Variants in USP53 observed in about 807,000 individuals in gnomAD.
USP53 encodes the protein ubiquitin specific peptidase 53.
USP53 carries 71 observed loss-of-function variants against 94.9 expected under a neutral mutation model. The ratio of observed to expected loss-of-function variants is 0.75; its 90% CI spans 0.62 to 0.91. The LOEUF (loss-of-function observed/expected upper bound fraction) is 0.91. Ranked by LOEUF, USP53 falls within the 40% of genes least tolerant of loss-of-function variation. The pLI, the probability that USP53 is intolerant of heterozygous loss-of-function variation, is 0.00. For synonymous variants in USP53, 375 were observed against 422.7 expected, an observed-to-expected ratio of 0.89 and a Z score of 1.39; for missense variants, 1,173 against 1,281.0, an observed-to-expected ratio of 0.92 and a Z score of 1.29.
chr4:119,263,167 T>C (rs1750710168), intron 12 of USP53, among the ~76,000 whole-genome samples: 1 of 152,164 alleles, frequency 6.6e-6, no homozygotes, highest in South Asian at 2.1e-4. Flanking sequence ...ATTCTACCCA[T>C]GAAGGATTAA....
rs1268226822 is a variant in USP53, at chr4:119,292,643, T to G, written c.2654T>G (p.Ile885Ser). 1 of 1,614,048 alleles carries G rather than the reference T, an allele frequency of 6.2e-7. No individual in the cohort carries two copies. The highest frequency in any genetic ancestry group is 8.5e-7 in the Non-Finnish European group (1 of 1,179,968). The change falls in exon 19 of 19, where the codon ATC (isoleucine) becomes AGC (serine). Residue 885 changes from isoleucine (I) to serine (S), a missense_variant. Coordinates refer to ENST00000692078, the MANE Select transcript of USP53 (RefSeq NM_001371395.1). ...ETAPLIQQQN[I>S]MDQCYFENSL... ...GCTCCTCTCATCCAGCAACAAAATA[T>G]CATGGATCAATGTTACTTTGAGAAC...
chr4:119,264,988 C>A (rs1218880806), intron 12 of USP53, among the ~76,000 whole-genome samples: 1 of 152,058 alleles, frequency 6.6e-6, no homozygotes, highest in East Asian at 1.9e-4. Context: ...ATTGAACTGA[C>A]ACATGCAATA....
intron 7 of USP53, 21 bp from the exon 8 acceptor site, chr4:119,256,225 T>C: frequency 6.4e-7 from 1 of 1,569,690 alleles, no homozygotes; most frequent in Non-Finnish European, 8.7e-7. Context: ...AACTCATTTA[T>C]CTATTTTATT....
At chr4:119,227,428 C>T (rs968068233) in intron 3 of USP53, among the ~76,000 whole-genome samples, 3 of 151,992 alleles carry the variant, frequency 2.0e-5, no homozygotes, top group Middle Eastern at 3.2e-3. Flanking sequence ...CACGAGATTG[C>T]GACCATCCTG....
At chr4:119,230,254 A>G (rs62328368) in intron 3 of USP53, among the ~76,000 whole-genome samples, 111 of 152,312 alleles carry the variant, frequency 7.3e-4, no homozygotes, top group Non-Finnish European at 1.4e-3. Context: ...CATATAAAAC[A>G]TATATGTTTT....
chr4:119,232,607 T>G (rs1746210004), intron 3 of USP53, among the ~76,000 whole-genome samples: 1 of 152,208 alleles, frequency 6.6e-6, no homozygotes, highest in Non-Finnish European at 1.5e-5. Context: ...TTAGCTATTT[T>G]CTTCACAGCC....
Position 119,294,571 on chromosome 4 carries a change from A to G in USP53, c.*1360A>G, listed in dbSNP as rs904804598. On this transcript the variant is annotated 3_prime_UTR_variant, in exon 19 of 19. Coordinates refer to ENST00000692078, the MANE Select transcript of USP53 (RefSeq NM_001371395.1). ...CTCCTGATAACTGAGAAACAGAACT[A>G]AAGTTTTCCTTACATTGCTAAATGG... 2.0e-5 allele frequency: 3 copies of G among 152,122 alleles called. No homozygotes were observed. The highest frequency in any genetic ancestry group is 4.4e-5 in the Non-Finnish European group (3 of 67,954). 9.4% of individuals were successfully genotyped at this position (152,122 alleles called of 1,614,324 possible).
intron 1 of USP53, chr4:119,213,178 C>G (rs910908552): frequency 1.3e-5 from 2 of 152,816 alleles, no homozygotes; most frequent in Admixed American, 1.3e-4. Context: ...TTATTGCTGC[C>G]GTGTTTGAGG....
chr4:119,248,109 T>C (rs1024224830), intron 6 of USP53, among the ~76,000 whole-genome samples: 1 of 152,204 alleles, frequency 6.6e-6, no homozygotes, highest in African/African-American at 2.4e-5. Context: ...AATTGGAATT[T>C]ATTAAAATGT....
intron 10 of USP53, 103 bp from the exon 11 acceptor site, chr4:119,260,404 A>T (rs1750350076): frequency 1.1e-6 from 1 of 939,344 alleles, no homozygotes; most frequent in Admixed American, 3.1e-5. Context: ...ATACTGAATA[A>T]ATTGCAGATA....
chr4:119,249,514 T>C (rs1748677922), intron 7 of USP53, among the ~76,000 whole-genome samples: 1 of 152,164 alleles, frequency 6.6e-6, no homozygotes, highest in South Asian at 2.1e-4. Flanking sequence ...TCTTTCTGTT[T>C]CTAGTCAGCA....
At chr4:119,238,351 A>G (rs959895677) in intron 4 of USP53, among the ~76,000 whole-genome samples, 1 of 152,144 alleles carries the variant, frequency 6.6e-6, no homozygotes, top group Non-Finnish European at 1.5e-5. Context: ...GGGAGTAGGG[A>G]GGCCTGAGGA....
chr4:119,251,659 A>G (rs1431821939), intron 7 of USP53, among the ~76,000 whole-genome samples: 1 of 152,202 alleles, frequency 6.6e-6, no homozygotes, highest in East Asian at 1.9e-4. Context: ...TTCCATTTTG[A>G]ATACCCTTCA....
rs1216540371 is a variant in USP53, at chr4:119,292,988, C to G, written c.2999C>G (p.Ser1000Cys). ...ECFGNTPNCP[S>C]SSSTNDFQAN... The stretch of plus-strand genomic sequence containing the variant: ...TTTGGCAACACACCAAACTGTCCAT[C>G]CAGCTCCTCAACTAACGATTTTCAG... Residue 1000 changes from serine to cysteine, a missense_variant, in exon 19 of 19, where the codon TCC becomes TGC. By Grantham distance (112) the Ser-to-Cys change is moderately radical. Transcript: ENST00000692078. 3 of 1,614,018 alleles carry G rather than the reference C, an allele frequency of 1.9e-6. No individual in the cohort carries two copies. The highest frequency in any genetic ancestry group is 2.7e-5 in the African/African-American group (2 of 74,920).
At chr4:119,275,387 T>C (rs368408473) in intron 17 of USP53, among the ~76,000 whole-genome samples, 7,355 of 125,744 alleles carry the variant, frequency 0.058, 710 homozygotes, top group Middle Eastern at 0.098. Context: ...TTCTCAGGTT[T>C]GTCAAAGATC....
intron 7 of USP53, among the ~76,000 whole-genome samples, chr4:119,254,608 G>T (rs12501610): frequency 0.29 from 43,895 of 151,978 alleles, 6,496 homozygotes; most frequent in East Asian, 0.38. Flanking sequence ...GTTTATTCTA[G>T]TTAGCCATTT....
chr4:119,230,558 T>G (rs1354091753), intron 3 of USP53, among the ~76,000 whole-genome samples: 2 of 152,176 alleles, frequency 1.3e-5, no homozygotes, highest in Admixed American at 6.5e-5. Flanking sequence ...CAGATGCCCT[T>G]GTAGCTCTTG....
chr4:119,246,504 A>G (rs1324670541), intron 6 of USP53, among the ~76,000 whole-genome samples: 1 of 152,212 alleles, frequency 6.6e-6, no homozygotes, highest in Admixed American at 6.5e-5. Context: ...AAACTGTCCA[A>G]AATGACTTCG....
At chr4:119,275,291 G>A (rs1226222864) in intron 17 of USP53, among the ~76,000 whole-genome samples, 1 of 105,918 alleles carries the variant, frequency 9.4e-6, no homozygotes, top group Non-Finnish European at 2.1e-5. Context: ...GTAAGGAAGG[G>A]ATCCAGTTTC....
Sources: gnomAD v4.1 joint callset for allele counts (sites outside exome capture counted in the v4.1 genomes callset) on GRCh38, gnomAD v4.1.1 for gene constraint, MANE v1.5 for transcripts, NCBI Gene and HGNC (gene_info 2026-07-23, HGNC 2026-07-21) for gene names.